FGF12: variants seen among roughly 807,000 people sequenced by gnomAD.
FGF12 encodes the protein fibroblast growth factor 12, also known as fibroblast growth factor 12B.
FGF12 carries 14 observed loss-of-function variants against 23.6 expected under a neutral mutation model. The ratio of observed to expected loss-of-function variants is 0.59; its 90% CI spans 0.39 to 0.93. FGF12 has a LOEUF of 0.93. Among genes scored for constraint, FGF12 ranks in the 40% least tolerant of loss-of-function variants. The pLI is 0.00. For synonymous variants in FGF12, 62 were observed against 77.3 expected (o/e 0.80, Z 1.04); for missense variants, 175 against 217.8 (o/e 0.80, Z 1.24).
intron 2 of FGF12, among the ~76,000 whole-genome samples, chr3:192,368,684 T>C (rs1287545466): frequency 6.6e-6 from 1 of 152,172 alleles, no homozygotes; most frequent in Non-Finnish European, 1.5e-5. Context: ...TTTCATTTTC[T>C]TGCTCATTTA....
At chr3:192,191,122 C>G (rs113184904) in intron 4 of FGF12, among the ~76,000 whole-genome samples, 159 of 152,084 alleles carry the variant, frequency 1.0e-3, no homozygotes, top group African/African-American at 3.7e-3. Flanking sequence ...TGGTGACTAC[C>G]CTGACATAAT....
chr3:192,351,204 T>A (rs1718205109), intron 3 of FGF12, among the ~76,000 whole-genome samples: 1 of 152,146 alleles, frequency 6.6e-6, no homozygotes, highest in Non-Finnish European at 1.5e-5. Context: ...TTCAGATCTA[T>A]CAGAGATACT....
intron 2 of FGF12, among the ~76,000 whole-genome samples, chr3:192,412,979 GGAA>G (rs1721241186): frequency 6.6e-6 from 1 of 152,082 alleles, no homozygotes; most frequent in Middle Eastern, 3.2e-3. Flanking sequence ...CATTATGAGT[GGAA>G]GAAGTTTTAA....
At chr3:192,647,693 G>GTGTATATATACATA (rs1560180793) in intron 2 of FGF12, among the ~76,000 whole-genome samples, 1 of 145,838 alleles carries the variant, frequency 6.9e-6, no homozygotes, top group Admixed American at 6.9e-5. Flanking sequence ...ACATATATAT[G>GTGTATATATACATA]TATATATGTG....
intron 2 of FGF12, among the ~76,000 whole-genome samples, chr3:192,494,096 A>G (rs555934255): frequency 1.4e-4 from 22 of 152,302 alleles, no homozygotes; most frequent in Non-Finnish European, 2.6e-4. Flanking sequence ...ACTTTCTACT[A>G]TTTAGCATAA....
At position 192,698,501 on chromosome 3, in the gene FGF12, CACA is replaced by C. The variant is rs529598763; in HGVS notation, c.13+28677_13+28679del. ...AAATAAGAATAGCAATGGCTGTATA[CACA>C]ACAACAATAATAAAAATATTTACTG... On this transcript the variant is annotated intron_variant, in intron 2 of 5. Transcript: ENST00000445105. Among the ~76,000 whole-genome samples, 207 of 152,182 alleles carry C rather than the reference CACA, an allele frequency of 1.4e-3. No homozygotes were observed. The Middle Eastern group carries it at 0.02, about 15-fold the overall frequency.
At chr3:192,260,529 G>T (rs560688703) in intron 4 of FGF12, among the ~76,000 whole-genome samples, 1 of 152,122 alleles carries the variant, frequency 6.6e-6, no homozygotes, top group Non-Finnish European at 1.5e-5. Flanking sequence ...TACAACCCGC[G>T]TATTACACAA....
At chr3:192,314,494 C>G (rs1716128700) in intron 4 of FGF12, among the ~76,000 whole-genome samples, 1 of 152,128 alleles carries the variant, frequency 6.6e-6, no homozygotes, top group Non-Finnish European at 1.5e-5. Flanking sequence ...CCCATGTTAT[C>G]TGGGGATTTA....
chr3:192,624,584 C>T (rs998329088), intron 2 of FGF12, among the ~76,000 whole-genome samples: 4 of 152,070 alleles, frequency 2.6e-5, no homozygotes, highest in African/African-American at 9.7e-5. Flanking sequence ...CTTTATTCTT[C>T]TCTTTAAACT....
At chr3:192,569,393 C>A (rs903867755) in intron 2 of FGF12, among the ~76,000 whole-genome samples, 2 of 152,196 alleles carry the variant, frequency 1.3e-5, no homozygotes, top group African/African-American at 4.8e-5. Flanking sequence ...CATTCTATCT[C>A]CTTAATTTCT....
At chr3:192,154,487 T>G (rs988744270) in intron 5 of FGF12, among the ~76,000 whole-genome samples, 1 of 142,002 alleles carries the variant, frequency 7.0e-6, no homozygotes, top group African/African-American at 2.6e-5. Flanking sequence ...TACAGATGGG[T>G]TTTCGGTGTG....
chr3:192,639,223 G>T (rs929986186), intron 2 of FGF12, among the ~76,000 whole-genome samples: 11 of 152,088 alleles, frequency 7.2e-5, no homozygotes, highest in African/African-American at 2.4e-4. Flanking sequence ...TTAATAATCC[G>T]GGAAATGTAA....
chr3:192,520,159 C>A (rs144026759), intron 2 of FGF12, among the ~76,000 whole-genome samples: 1 of 152,156 alleles, frequency 6.6e-6, no homozygotes, highest in Non-Finnish European at 1.5e-5. Context: ...TACACATACA[C>A]GTACATCATA....
In FGF12 at chr3:192,335,440, C is replaced by T. The variant is rs765589992; in HGVS notation, c.149G>A (p.Gly50Asp). The change falls in exon 4 of 6, where the codon GGC becomes GAC. Residue 50 changes from glycine (G) to aspartate (D), a missense_variant. Coordinates refer to ENST00000445105, the MANE Select transcript of FGF12 (RefSeq NM_004113.6). ...DYTLFNLIPV[G>D]LRVVAIQGVK... is the part of the protein sequence containing the mutation. ...TCCTTGGATGGCCACTACACGCAGG[C>T]CCACGGGAATTAGATTGAAGAGAGC... 2 of 1,612,568 alleles carry T rather than the reference C, an allele frequency of 1.2e-6. No homozygotes were observed. Among genetic ancestry groups the T allele is most frequent in the South Asian group, 1.1e-5 (1 of 91,008 alleles).
At chr3:192,201,102 T>A (rs2108661716) in intron 4 of FGF12, among the ~76,000 whole-genome samples, 1 of 152,330 alleles carries the variant, frequency 6.6e-6, no homozygotes, top group Admixed American at 6.5e-5. Context: ...TATATCTCTT[T>A]ACTAAGTTAG....
chr3:192,219,039 T>C (rs1718340370), intron 4 of FGF12, among the ~76,000 whole-genome samples: 1 of 152,200 alleles, frequency 6.6e-6, no homozygotes, highest in African/African-American at 2.4e-5. Flanking sequence ...AATGCAATGT[T>C]ATAAAAATTA....
intron 2 of FGF12, among the ~76,000 whole-genome samples, chr3:192,581,523 A>T (rs554319993): frequency 6.6e-6 from 1 of 150,546 alleles, no homozygotes; most frequent in South Asian, 2.1e-4. Context: ...GGAAGAATAC[A>T]TGCAAAAATG....
At chr3:192,725,314 G>T (rs2108749917) in intron 2 of FGF12, among the ~76,000 whole-genome samples, 1 of 151,672 alleles carries the variant, frequency 6.6e-6, no homozygotes, top group Admixed American at 6.6e-5. Flanking sequence ...GCAATTATGG[G>T]ACCTCTGCAA....
Position 192,140,074 on chromosome 3 carries a change from CCAT to C in FGF12, c.*3932_*3934del, listed in dbSNP as rs1010712002. ...TTTTATTATAAAGTGGCAATTTGTA[CCAT>C]CATTAGAAATGTACATTAATGTATA... On this transcript the variant is annotated 3_prime_UTR_variant, in exon 6 of 6. Transcript: ENST00000445105. 6.6e-6 allele frequency: 1 copy of C among 151,920 alleles called. No homozygotes were observed. Among genetic ancestry groups the C allele is most frequent in the African/African-American group, 2.4e-5 (1 of 41,378 alleles). The allele number at this position is 151,920 out of a possible 1,614,324, so 9.4% of individuals were successfully genotyped here.
Sources: gnomAD v4.1 joint callset for allele counts (sites outside exome capture counted in the v4.1 genomes callset) on GRCh38, gnomAD v4.1.1 for gene constraint, MANE v1.5 for transcripts, NCBI Gene and HGNC (gene_info 2026-07-23, HGNC 2026-07-21) for gene names.